The following CDC37L1 variants were observed in gnomAD, a reference collection of about 807,000 sequenced individuals.
The protein encoded by CDC37L1 is cell division cycle 37 like 1, HSP90 cochaperone, also known as hsp90 co-chaperone Cdc37-like 1.
In CDC37L1, 32 loss-of-function variants were observed where a neutral mutation model predicts 45.9. The ratio of observed to expected loss-of-function variants is 0.70; its 90% CI spans 0.53 to 0.94. The LOEUF is 0.94. CDC37L1 is among the 40% of genes least tolerant of loss of function. The pLI is 0.00. For synonymous variants in CDC37L1, 150 were observed against 133.0 expected (o/e 1.13, Z -0.88); for missense variants, 434 against 405.7 (o/e 1.07, Z -0.60).
intron 3 of CDC37L1, among the ~76,000 whole-genome samples, chr9:4,693,151 T>C (rs1181342574): frequency 1.3e-5 from 2 of 152,000 alleles, no homozygotes; most frequent in Non-Finnish European, 2.9e-5. Context: ...TGTTAAAATA[T>C]ATCATTCTAA....
intron 2 of CDC37L1, chr9:4,685,439 TTGATA>T (rs1841238600): frequency 7.2e-6 from 2 of 277,296 alleles, no homozygotes; most frequent in Non-Finnish European, 1.4e-5. Context: ...TCACAAGAAT[TTGATA>T]TAAGGATGGG....
At chr9:4,681,482 C>G (rs1270822352) in intron 1 of CDC37L1, among the ~76,000 whole-genome samples, 1 of 151,990 alleles carries the variant, frequency 6.6e-6, no homozygotes, top group Non-Finnish European at 1.5e-5. Flanking sequence ...CTGTCTCTAC[C>G]AAAAATACAA....
chr9:4,682,959 TTTAAAATATTATATTTTATA>T (rs1384280460), intron 1 of CDC37L1, among the ~76,000 whole-genome samples: 4 of 145,120 alleles, frequency 2.8e-5, no homozygotes, highest in Non-Finnish European at 4.5e-5. Flanking sequence ...AATATTTTAT[TTTAAAATATTATATTTTATA>T]TTAAAATATT....
At chr9:4,699,838 T>A (rs1458366013) in intron 5 of CDC37L1, among the ~76,000 whole-genome samples, 1 of 152,172 alleles carries the variant, frequency 6.6e-6, no homozygotes, top group Non-Finnish European at 1.5e-5. Context: ...CTTCTGCACA[T>A]AGGATATATT....
Position 4,706,327 on chromosome 9 carries a change from A to C in CDC37L1, c.*215A>C. The C allele has an allele frequency of 3.2e-6, 1 of 312,268 alleles. No individual in the cohort carries two copies. The highest frequency in any genetic ancestry group is 5.9e-6 in the Non-Finnish European group (1 of 168,918). 19.3% of individuals were successfully genotyped at this position (312,268 alleles called of 1,614,324 possible). On this transcript the variant is annotated 3_prime_UTR_variant, in exon 7 of 7. Transcript: ENST00000381854. The stretch of plus-strand genomic sequence containing the variant: ...AGAGAAGAGTGGTACCATATGTTGC[A>C]GGAAGTCAAACTGGACTTTTTGTGG...
intron 2 of CDC37L1, among the ~76,000 whole-genome samples, chr9:4,685,808 A>G (rs1410263966): frequency 2.0e-5 from 3 of 152,238 alleles, no homozygotes; most frequent in African/African-American, 7.2e-5. Flanking sequence ...AAATGCATGA[A>G]AAGGGGAGAA....
At chr9:4,682,841 C>G (rs1390946245) in intron 1 of CDC37L1, among the ~76,000 whole-genome samples, 1 of 151,614 alleles carries the variant, frequency 6.6e-6, no homozygotes, top group Non-Finnish European at 1.5e-5. Context: ...CTTAATTTTT[C>G]TCCTTTTCCT....
intron 3 of CDC37L1, among the ~76,000 whole-genome samples, chr9:4,690,998 C>G (rs1841295336): frequency 6.6e-6 from 1 of 152,176 alleles, no homozygotes; most frequent in Admixed American, 6.5e-5. Flanking sequence ...ATAATAATCC[C>G]TGTGGACTGA....
At chr9:4,683,579 A>G (rs1180155708) in intron 1 of CDC37L1, among the ~76,000 whole-genome samples, 1 of 152,172 alleles carries the variant, frequency 6.6e-6, no homozygotes, top group Non-Finnish European at 1.5e-5. Context: ...TAAAGAGGTA[A>G]TGGGAAATAA....
At chr9:4,698,704 G>A (rs945662946) in intron 5 of CDC37L1, among the ~76,000 whole-genome samples, 10 of 152,096 alleles carry the variant, frequency 6.6e-5, no homozygotes, top group Non-Finnish European at 1.3e-4. Context: ...GTGGGGTCCA[G>A]GAACCCGGAG....
rs1841457139 is a variant in CDC37L1 at position 4,707,675 on chromosome 9, T to C, written c.*1563T>C. The stretch of plus-strand genomic sequence containing the variant: ...TGTTTGACTAATTTATATAGTAGTG[T>C]TTGTCAGCCTGTACTTTTTTTTTTT... On this transcript the variant is annotated 3_prime_UTR_variant, in exon 7 of 7. Coordinates refer to ENST00000381854, the MANE Select transcript of CDC37L1 (RefSeq NM_017913.4). The C allele has an allele frequency of 6.6e-6, 1 of 152,100 alleles. No individual in the cohort carries two copies. Among genetic ancestry groups the C allele is most frequent in the Non-Finnish European group, 1.5e-5 (1 of 68,044 alleles). 9.4% of individuals were successfully genotyped at this position (152,100 alleles called of 1,614,324 possible).
At chr9:4,688,331 C>G (rs896026884) in intron 2 of CDC37L1, among the ~76,000 whole-genome samples, 182 bp from the exon 3 acceptor site, 4 of 152,144 alleles carry the variant, frequency 2.6e-5, no homozygotes, top group African/African-American at 9.7e-5. Flanking sequence ...TAATAAGACT[C>G]CCATACAAGA....
chr9:4,690,922 A>G (rs915435795), intron 3 of CDC37L1, among the ~76,000 whole-genome samples: 1 of 152,236 alleles, frequency 6.6e-6, no homozygotes, highest in Non-Finnish European at 1.5e-5. Context: ...GAATACCTGC[A>G]ATTTCTGCTT....
intron 3 of CDC37L1, among the ~76,000 whole-genome samples, chr9:4,689,959 G>A (rs543991955): frequency 6.6e-6 from 1 of 152,334 alleles, no homozygotes; most frequent in African/African-American, 2.4e-5. Context: ...TTGCTTTGAA[G>A]CCATGAGAAA....
chr9:4,694,068 G>A lies in CDC37L1; in HGVS notation c.509-3028G>A, dbSNP rs551916992. ...TTTGAGGTATATGCTGTTCCACTGA[G>A]TTGTTGATTCTCCTTATGTGTTTTA... On this transcript the variant is annotated intron_variant, in intron 3 of 6. Transcript: ENST00000381854. Among the ~76,000 whole-genome samples the A allele has an allele frequency of 2.6e-5, 4 of 152,260 alleles. No homozygotes were observed. The South Asian group carries it at 6.2e-4, about 24-fold the overall frequency.
intron 6 of CDC37L1, chr9:4,703,109 T>G: frequency 6.5e-7 from 1 of 1,541,126 alleles, no homozygotes; most frequent in Non-Finnish European, 8.8e-7. Flanking sequence ...AAGACCAGCT[T>G]TAGCCAGTTT....
chr9:4,706,565 T>A lies in CDC37L1; in HGVS notation c.*453T>A, dbSNP rs1841443868. ...GCTACTTTAGCTGTCAAATTTGGTG[T>A]TTCATCACATTAAAAGCAATAAATC... On this transcript the variant is annotated 3_prime_UTR_variant, in exon 7 of 7. Coordinates refer to ENST00000381854, the MANE Select transcript of CDC37L1 (RefSeq NM_017913.4). The A allele has an allele frequency of 6.5e-6, 1 of 152,870 alleles. No individual in the cohort carries two copies. The highest frequency in any genetic ancestry group is 2.1e-4 in the South Asian group (1 of 4,864). The allele number at this position is 152,870 out of a possible 1,614,324, so 9.5% of individuals were successfully genotyped here. A position where few individuals can be genotyped will look rare whatever the true frequency, so the allele number is the denominator to read the frequency against.
chr9:4,695,155 T>C (rs1434263511), intron 3 of CDC37L1, among the ~76,000 whole-genome samples: 3 of 152,090 alleles, frequency 2.0e-5, no homozygotes, highest in East Asian at 3.9e-4. Flanking sequence ...GAAATAAGGA[T>C]TGTGCTTTCT....
chr9:4,692,604 A>G (rs1418343929), intron 3 of CDC37L1, among the ~76,000 whole-genome samples: 1 of 152,230 alleles, frequency 6.6e-6, no homozygotes, highest in Non-Finnish European at 1.5e-5. Flanking sequence ...ATTCAAAAAT[A>G]TGCCTGGAAG....
Sources: gnomAD v4.1 joint callset for allele counts (sites outside exome capture counted in the v4.1 genomes callset) on GRCh38, gnomAD v4.1.1 for gene constraint, MANE v1.5 for transcripts, NCBI Gene and HGNC (gene_info 2026-07-23, HGNC 2026-07-21) for gene names.